Variants in FRMD5 observed in about 807,000 individuals in gnomAD.
FRMD5 encodes FERM domain containing 5.
A neutral mutation model predicts 69.0 loss-of-function variants in FRMD5; 20 were observed. The ratio of observed to expected loss-of-function variants is 0.29; its 90% CI spans 0.20 to 0.42. The LOEUF is 0.42. Ranked by LOEUF, FRMD5 falls within the 10% of genes least tolerant of loss-of-function variation. The pLI, the probability that FRMD5 is intolerant of heterozygous loss-of-function variation, is 1.00. For synonymous variants in FRMD5, 271 were observed against 260.1 expected (o/e 1.04, Z -0.40); for missense variants, 595 against 708.6 (o/e 0.84, Z 1.82).
Position 43,991,777 on chromosome 15 carries a change from T to C in FRMD5, c.103-67468A>G, listed in dbSNP as rs148882459. Among the ~76,000 whole-genome samples the C allele has an allele frequency of 7.3e-4, 111 of 152,326 alleles. 2 individuals are homozygous for C. The South Asian group carries it at 0.011, about 16-fold the overall frequency. On this transcript the variant is annotated intron_variant, in intron 1 of 13. Transcript: ENST00000417257. ...CACTGATGTGTTCTCCATTCTCCTGTTTTCTCAACTCCATTTACGTATTAG... is the reference window on the plus strand; with the variant it reads ...CACTGATGTGTTCTCCATTCTCCTGCTTTCTCAACTCCATTTACGTATTAG...
chr15:43,966,277 T>C (rs2090293641), intron 1 of FRMD5, among the ~76,000 whole-genome samples: 1 of 151,464 alleles, frequency 6.6e-6, no homozygotes, highest in Non-Finnish European at 1.5e-5. Flanking sequence ...GAGGCTGAGG[T>C]GGGAGAATCA....
chr15:44,095,975 G>A (rs1199669512), intron 1 of FRMD5, among the ~76,000 whole-genome samples: 2 of 152,130 alleles, frequency 1.3e-5, no homozygotes, highest in Non-Finnish European at 2.9e-5. Flanking sequence ...GGGAGGCTGA[G>A]GTGGGTGGAT....
At chr15:43,885,972 C>A (rs924532740) in intron 10 of FRMD5, among the ~76,000 whole-genome samples, 1 of 152,154 alleles carries the variant, frequency 6.6e-6, no homozygotes, top group African/African-American at 2.4e-5. Flanking sequence ...ACATGGAAAC[C>A]CATTTTAGTG....
At chr15:43,918,297 G>A (rs1440289967) in intron 4 of FRMD5, among the ~76,000 whole-genome samples, 1 of 152,124 alleles carries the variant, frequency 6.6e-6, no homozygotes, top group Admixed American at 6.6e-5. Flanking sequence ...GGTGGCAGGC[G>A]CCCGTAATCC....
At chr15:44,044,084 A>G (rs575623303) in intron 1 of FRMD5, among the ~76,000 whole-genome samples, 14 of 152,314 alleles carry the variant, frequency 9.2e-5, no homozygotes, top group Middle Eastern at 6.8e-3. Context: ...TACAATAAAA[A>G]AAAACCCCAT....
At chr15:44,138,653 A>G (rs2077221957) in intron 1 of FRMD5, among the ~76,000 whole-genome samples, 1 of 152,244 alleles carries the variant, frequency 6.6e-6, no homozygotes, top group African/African-American at 2.4e-5. Flanking sequence ...CATAGAATAT[A>G]CTTCAGAAAG....
chr15:43,876,512 A>G (rs773645740), intron 13 of FRMD5, among the ~76,000 whole-genome samples: 3 of 152,176 alleles, frequency 2.0e-5, no homozygotes, highest in Non-Finnish European at 2.9e-5. Context: ...CACTGTAACT[A>G]TAAAATTTTT....
At chr15:44,049,358 G>A (rs1257176750) in intron 1 of FRMD5, among the ~76,000 whole-genome samples, 9 of 152,134 alleles carry the variant, frequency 5.9e-5, no homozygotes, top group Admixed American at 5.9e-4. Context: ...AAGAGTATAA[G>A]TAACCCAAAT....
intron 1 of FRMD5, 81 bp downstream of exon 1, chr15:44,194,872 C>T: frequency 2.5e-6 from 3 of 1,209,526 alleles, no homozygotes; most frequent in East Asian, 2.7e-5. Context: ...GACCCCTGGG[C>T]GGCGGCCGCC....
At chr15:43,915,388 C>T (rs936976626) in intron 4 of FRMD5, among the ~76,000 whole-genome samples, 1 of 152,180 alleles carries the variant, frequency 6.6e-6, no homozygotes, top group African/African-American at 2.4e-5. Context: ...TAGGCTCAAG[C>T]GATGTTCACT....
intron 12 of FRMD5, among the ~76,000 whole-genome samples, chr15:43,884,370 G>A (rs987659140): frequency 5.9e-5 from 9 of 152,218 alleles, no homozygotes; most frequent in African/African-American, 2.2e-4. Flanking sequence ...TAGAGCCAGT[G>A]TGGCAGGGCT....
chr15:44,196,726 CTTTCAT>C (rs2140636295), upstream of FRMD5, among the ~76,000 whole-genome samples: 1 of 100,900 alleles, frequency 9.9e-6, no homozygotes, highest in East Asian at 2.8e-4. Context: ...GATTCATTCT[CTTTCAT>C]TCTCTCTCTC....
At position 44,161,321 on chromosome 15, in the gene FRMD5, G is replaced by C. The variant is rs144660508; in HGVS notation, c.102+33632C>G. ...GAGTCAAGTGGTCCCAAAGTGTCCTGCCTGCACCTCTGAGTATAGAATATA... is the reference window on the plus strand; with the variant it reads ...GAGTCAAGTGGTCCCAAAGTGTCCTCCCTGCACCTCTGAGTATAGAATATA... On this transcript the variant is annotated intron_variant, in intron 1 of 13. Coordinates refer to ENST00000417257, the MANE Select transcript of FRMD5 (RefSeq NM_032892.5). Among the ~76,000 whole-genome samples, 668 of 152,206 alleles carry C rather than the reference G, an allele frequency of 4.4e-3. 4 individuals carry two copies. Among genetic ancestry groups the C allele is most frequent in the African/African-American group, 0.015 (640 of 41,504 alleles).
chr15:44,003,064 T>C (rs2140180591), intron 1 of FRMD5, among the ~76,000 whole-genome samples: 1 of 152,320 alleles, frequency 6.6e-6, no homozygotes, highest in South Asian at 2.1e-4. Flanking sequence ...GCCTACCCCA[T>C]TTCAGTTGAT....
intron 1 of FRMD5, among the ~76,000 whole-genome samples, chr15:44,092,800 A>G (rs2076491348): frequency 6.6e-6 from 1 of 152,148 alleles, no homozygotes; most frequent in Non-Finnish European, 1.5e-5. Flanking sequence ...AGGCCTGTCT[A>G]AAGTGAAATG....
intron 1 of FRMD5, among the ~76,000 whole-genome samples, chr15:44,060,233 C>T (rs989397987): frequency 4.6e-5 from 7 of 152,192 alleles, no homozygotes; most frequent in African/African-American, 1.7e-4. Flanking sequence ...AAAGAGTTAC[C>T]AGCTCATAAG....
intron 7 of FRMD5, among the ~76,000 whole-genome samples, chr15:43,896,196 A>C (rs2088907971): frequency 6.6e-6 from 1 of 152,180 alleles, no homozygotes; most frequent in South Asian, 2.1e-4. Flanking sequence ...CAGTCGAAAT[A>C]ATCTAGTTCA....
chr15:44,068,602 G>A (rs1244795639), intron 1 of FRMD5, among the ~76,000 whole-genome samples: 1 of 152,140 alleles, frequency 6.6e-6, no homozygotes, highest in Non-Finnish European at 1.5e-5. Flanking sequence ...TGGGAAAATG[G>A]GAGAGTGCAG....
intron 1 of FRMD5, among the ~76,000 whole-genome samples, chr15:43,955,609 G>C (rs1361983881): frequency 6.6e-6 from 1 of 152,188 alleles, no homozygotes; most frequent in Non-Finnish European, 1.5e-5. Flanking sequence ...GTGTGTGTGT[G>C]TGTAGATCAG....
Sources: gnomAD v4.1 joint callset for allele counts (sites outside exome capture counted in the v4.1 genomes callset) on GRCh38, gnomAD v4.1.1 for gene constraint, MANE v1.5 for transcripts, NCBI Gene and HGNC (gene_info 2026-07-23, HGNC 2026-07-21) for gene names.